The following RABGAP1L variants were observed in gnomAD, a reference collection of about 807,000 sequenced individuals.
RABGAP1L encodes RAB GTPase activating protein 1 like.
A neutral mutation model predicts 137.7 loss-of-function variants in RABGAP1L; 63 were observed. The observed-to-expected ratio is 0.46, with a 90% CI of 0.37 to 0.56. RABGAP1L has a LOEUF of 0.56. Among genes scored for constraint, RABGAP1L ranks in the 20% least tolerant of loss-of-function variants. The pLI is 0.00. For synonymous variants in RABGAP1L, 431 were observed against 433.7 expected, an observed-to-expected ratio of 0.99 and a Z score of 0.08; for missense variants, 1,095 against 1,244.0, an observed-to-expected ratio of 0.88 and a Z score of 1.80.
intron 13 of RABGAP1L, among the ~76,000 whole-genome samples, chr1:174,555,693 T>G (rs1311047313): frequency 6.6e-6 from 1 of 152,154 alleles, no homozygotes; most frequent in Non-Finnish European, 1.5e-5. Flanking sequence ...CACTTTTGGT[T>G]TGCAGTGGAT....
chr1:174,276,881 C>G (rs921351278), intron 9 of RABGAP1L, among the ~76,000 whole-genome samples: 30 of 152,064 alleles, frequency 2.0e-4, no homozygotes, highest in African/African-American at 6.8e-4. Context: ...TCATTATCTA[C>G]TTTTAAACTA....
intron 20 of RABGAP1L, chr1:174,965,090 G>A (rs1396761737): frequency 6.5e-6 from 5 of 763,716 alleles, no homozygotes; most frequent in Non-Finnish European, 1.0e-5. Flanking sequence ...TTTCCCAGCT[G>A]TACATCTCCT....
chr1:174,565,123 G>A (rs1000452712), intron 13 of RABGAP1L, among the ~76,000 whole-genome samples: 6 of 152,130 alleles, frequency 3.9e-5, no homozygotes, highest in Non-Finnish European at 1.5e-5. Flanking sequence ...TGGTTTAATA[G>A]ATTGGAAGAA....
chr1:174,447,299 T>G (rs1173726161), intron 13 of RABGAP1L, among the ~76,000 whole-genome samples: 1 of 152,218 alleles, frequency 6.6e-6, no homozygotes, highest in Non-Finnish European at 1.5e-5. Flanking sequence ...TTGTATATTC[T>G]CTTTTCTATT....
rs149932543 is a variant in RABGAP1L at position 174,539,389 on chromosome 1, C to G, written c.1711-97986C>G. ...ACATGTGCCACGTGGGTGTGCTGTA[C>G]CCATTAACTTGTCATTTACATTAGG... On this transcript the variant is annotated intron_variant, in intron 13 of 25. Transcript: ENST00000681986. Among the ~76,000 whole-genome samples the G allele has an allele frequency of 1.5e-4, 23 of 151,666 alleles. No homozygotes were observed. In the East Asian group the frequency reaches 4.3e-3, roughly 28 times the overall value.
intron 19 of RABGAP1L, among the ~76,000 whole-genome samples, chr1:174,887,617 G>C (rs966958501): frequency 3.3e-5 from 5 of 152,114 alleles, no homozygotes; most frequent in African/African-American, 1.2e-4. Flanking sequence ...AAACTTGGGG[G>C]GGGGGTCATG....
rs1671962693 is a variant in RABGAP1L, at chr1:174,990,132, C to T, written c.*131C>T. On this transcript the variant is annotated 3_prime_UTR_variant, in exon 26 of 26. Coordinates refer to ENST00000681986, the MANE Select transcript of RABGAP1L (RefSeq NM_001366446.1). Reference sequence around the variant, plus strand: ...AGCCAGAATTTTTCAGTAGCTCTCACTCTTTCTTGTATGACACTTTTCAAA... The same window carrying T: ...AGCCAGAATTTTTCAGTAGCTCTCATTCTTTCTTGTATGACACTTTTCAAA... 6 of 1,170,680 alleles carry T rather than the reference C, an allele frequency of 5.1e-6. No individual in the cohort carries two copies. The highest frequency in any genetic ancestry group is 5.9e-6 in the Non-Finnish European group (5 of 848,926). The allele number at this position is 1,170,680 out of a possible 1,614,324, so 72.5% of individuals were successfully genotyped here. A position where few individuals can be genotyped will look rare whatever the true frequency, so the allele number is the denominator to read the frequency against.
Position 174,520,979 on chromosome 1 carries a change from G to A in RABGAP1L, c.1711-116396G>A, listed in dbSNP as rs534573124. On this transcript the variant is annotated intron_variant, in intron 13 of 25. Transcript: ENST00000681986. ...TTGCACCACTGCACTCCAGCGTGGC[G>A]ACATAGCGAGACTCTGTTGCAAAAA... Among the ~76,000 whole-genome samples the A allele has an allele frequency of 3.3e-5, 5 of 152,226 alleles. No homozygotes were observed. In the South Asian group the frequency reaches 1.0e-3, roughly 32 times the overall value.
At chr1:174,598,628 C>T (rs190508807) in intron 13 of RABGAP1L, among the ~76,000 whole-genome samples, 17 of 152,168 alleles carry the variant, frequency 1.1e-4, no homozygotes, top group African/African-American at 3.9e-4. Context: ...ATCCTTTTGT[C>T]GAATTGACCC....
chr1:174,173,923 A>G (rs1665616092), intron 1 of RABGAP1L, among the ~76,000 whole-genome samples: 1 of 152,162 alleles, frequency 6.6e-6, no homozygotes, highest in Non-Finnish European at 1.5e-5. Flanking sequence ...GTAAGTCTTT[A>G]CCTATCTAGA....
chr1:174,617,062 T>G (rs1671954229), intron 13 of RABGAP1L, among the ~76,000 whole-genome samples: 1 of 152,116 alleles, frequency 6.6e-6, no homozygotes, highest in African/African-American at 2.4e-5. Context: ...GCAAAGGAAC[T>G]AAAAAGGAAT....
chr1:174,758,439 A>G (rs75738850), intron 18 of RABGAP1L, among the ~76,000 whole-genome samples: 1,801 of 150,512 alleles, frequency 0.012, 51 homozygotes, highest in African/African-American at 0.042. Flanking sequence ...TTAATCCCTC[A>G]CCGCCCTCCC....
chr1:174,618,721 A>T (rs898708294), intron 13 of RABGAP1L, among the ~76,000 whole-genome samples: 1 of 152,224 alleles, frequency 6.6e-6, no homozygotes, highest in African/African-American at 2.4e-5. Flanking sequence ...TGGAAACTCT[A>T]AAAGTCAGAG....
At chr1:174,620,962 G>A (rs549929255) in intron 13 of RABGAP1L, among the ~76,000 whole-genome samples, 62 of 152,184 alleles carry the variant, frequency 4.1e-4, no homozygotes, top group African/African-American at 1.1e-3. Context: ...TATCACCACC[G>A]ATCCCACAGA....
intron 18 of RABGAP1L, among the ~76,000 whole-genome samples, chr1:174,755,461 A>G (rs960610638): frequency 6.6e-6 from 1 of 152,196 alleles, no homozygotes; most frequent in East Asian, 1.9e-4. Flanking sequence ...TTTCAGTCAG[A>G]ATAGGTTTTT....
intron 14 of RABGAP1L, among the ~76,000 whole-genome samples, chr1:174,659,473 C>T (rs1028155148): frequency 1.3e-5 from 2 of 152,188 alleles, no homozygotes; most frequent in Non-Finnish European, 2.9e-5. Context: ...CCTTGTTCTT[C>T]AAGCACTTTC....
chr1:174,271,571 C>T (rs1331894995), intron 7 of RABGAP1L, among the ~76,000 whole-genome samples: 3 of 151,998 alleles, frequency 2.0e-5, no homozygotes, highest in African/African-American at 7.2e-5. Flanking sequence ...TACATTGCTT[C>T]TCAAGTTACG....
At chr1:174,880,928 A>T (rs928234787) in intron 19 of RABGAP1L, among the ~76,000 whole-genome samples, 3 of 152,168 alleles carry the variant, frequency 2.0e-5, no homozygotes, top group African/African-American at 7.2e-5. Context: ...TCAAAAACTA[A>T]CAGGAGTTTT....
chr1:174,902,343 G>C (rs1658288360), intron 19 of RABGAP1L, among the ~76,000 whole-genome samples: 1 of 152,190 alleles, frequency 6.6e-6, no homozygotes, highest in South Asian at 2.1e-4. Flanking sequence ...GGAACTCAGA[G>C]TTGTCTCTGA....
Sources: allele counts gnomAD v4.1 joint callset (sites outside exome capture counted in the v4.1 genomes callset), GRCh38; gene constraint gnomAD v4.1.1; transcripts MANE v1.5; gene names NCBI Gene and HGNC (gene_info 2026-07-23, HGNC 2026-07-21).